TANC1: variants seen among roughly 807,000 people sequenced by gnomAD.
The protein encoded by TANC1 is tetratricopeptide repeat, ankyrin repeat and coiled-coil containing 1, also known as protein TANC1.
Under a neutral mutation model 149.7 loss-of-function variants are expected in TANC1, and 77 were observed. The observed-to-expected ratio is 0.51, with a 90% CI of 0.43 to 0.62. TANC1 has a LOEUF of 0.62. Ranked by LOEUF, TANC1 falls within the 20% of genes least tolerant of loss-of-function variation. The pLI is 0.00. For missense variants in TANC1, 1,985 were observed against 2,321.8 expected, an observed-to-expected ratio of 0.85 and a Z score of 2.98; for synonymous variants, 854 against 925.0, an observed-to-expected ratio of 0.92 and a Z score of 1.39.
intron 2 of TANC1, among the ~76,000 whole-genome samples, chr2:159,019,653 G>GTTT (rs55746240): frequency 0.013 from 983 of 73,248 alleles, 162 homozygotes; most frequent in Non-Finnish European, 0.017. Context: ...CTTTCTTTCT[G>GTTT]TTTTTTTTTT....
At chr2:159,018,074 G>T (rs530884685) in intron 2 of TANC1, among the ~76,000 whole-genome samples, 1 of 152,118 alleles carries the variant, frequency 6.6e-6, no homozygotes, top group African/African-American at 2.4e-5. Context: ...GCAGTTCAAA[G>T]GCAGCCAGTT....
intron 3 of TANC1, among the ~76,000 whole-genome samples, chr2:159,090,759 G>A (rs916728659): frequency 1.1e-4 from 16 of 152,220 alleles, no homozygotes; most frequent in African/African-American, 1.7e-4. Flanking sequence ...CGGAGCCAGC[G>A]CCACTGTGCT....
chr2:159,011,527 A>ATTTTTT (rs10586189), intron 2 of TANC1, among the ~76,000 whole-genome samples: 2 of 106,724 alleles, frequency 1.9e-5, no homozygotes, highest in Non-Finnish European at 1.8e-5. Context: ...TACACCTTAA[A>ATTTTTT]TTTTTTTTTT....
chr2:159,061,484 T>TG (rs1168670602), intron 2 of TANC1, among the ~76,000 whole-genome samples: 2 of 152,238 alleles, frequency 1.3e-5, no homozygotes. Context: ...CAAGCAGGCC[T>TG]TGCTAAGGGC....
intron 4 of TANC1, among the ~76,000 whole-genome samples, chr2:159,117,841 T>C (rs1474683407): frequency 6.6e-6 from 1 of 151,952 alleles, no homozygotes; most frequent in Non-Finnish European, 1.5e-5. Context: ...GCTCAGACTT[T>C]CCTTGTTTTG....
chr2:158,988,357 C>T (rs1270402206), intron 1 of TANC1, among the ~76,000 whole-genome samples: 1 of 149,214 alleles, frequency 6.7e-6, no homozygotes, highest in African/African-American at 2.5e-5. Context: ...AAAGTGTTTT[C>T]GTTTTGTTTT....
intron 2 of TANC1, among the ~76,000 whole-genome samples, chr2:159,027,323 A>C (rs919879224): frequency 2.0e-5 from 3 of 152,156 alleles, no homozygotes; most frequent in African/African-American, 7.2e-5. Flanking sequence ...TCTGCCAGAT[A>C]TTTTAGTTTA....
chr2:159,007,989 T>A (rs1024762136), intron 2 of TANC1, among the ~76,000 whole-genome samples: 8 of 152,256 alleles, frequency 5.3e-5, no homozygotes, highest in African/African-American at 1.9e-4. Flanking sequence ...TTTTCTAAGA[T>A]TGTCAATCCT....
At chr2:159,133,918 A>G (rs2050371866) in intron 4 of TANC1, among the ~76,000 whole-genome samples, 1 of 152,242 alleles carries the variant, frequency 6.6e-6, no homozygotes, top group African/African-American at 2.4e-5. Context: ...TAGTACACCC[A>G]TGTAGCTGGC....
intron 2 of TANC1, among the ~76,000 whole-genome samples, chr2:159,045,829 T>C (rs1183517663): frequency 6.6e-6 from 1 of 152,244 alleles, no homozygotes; most frequent in African/African-American, 2.4e-5. Context: ...AATTTTCACT[T>C]AAAATTGCAT....
intron 2 of TANC1, chr2:159,056,812 AG>A: frequency 2.9e-6 from 1 of 341,346 alleles, no homozygotes; most frequent in Admixed American, 2.7e-5. Flanking sequence ...AGATTAGGAA[AG>A]TCCAGGTCTA....
chr2:159,168,420 C>T (rs2054837272), intron 8 of TANC1, among the ~76,000 whole-genome samples: 1 of 151,574 alleles, frequency 6.6e-6, no homozygotes, highest in South Asian at 2.1e-4. Context: ...CTGCCTTAGC[C>T]TCCCAAGTAG....
intron 1 of TANC1, among the ~76,000 whole-genome samples, chr2:158,992,964 G>A (rs1301633884): frequency 1.4e-5 from 2 of 147,824 alleles, no homozygotes; most frequent in Non-Finnish European, 3.1e-5. Context: ...TCACAGCCGC[G>A]TTAGTTTACT....
At chr2:159,032,875 G>A (rs185945551) in intron 2 of TANC1, among the ~76,000 whole-genome samples, 27 of 152,246 alleles carry the variant, frequency 1.8e-4, no homozygotes, top group Non-Finnish European at 2.9e-4. Context: ...GGTGTTTTCT[G>A]GATAAGTTGA....
chr2:159,135,986 C>G (rs1046313683), intron 4 of TANC1, among the ~76,000 whole-genome samples: 2 of 145,874 alleles, frequency 1.4e-5, no homozygotes, highest in African/African-American at 5.1e-5. Flanking sequence ...GACGTTCCCT[C>G]GTCTGTACTG....
chr2:159,178,222 G>T (rs1393368474), intron 13 of TANC1, among the ~76,000 whole-genome samples: 2 of 152,200 alleles, frequency 1.3e-5, no homozygotes, highest in Non-Finnish European at 2.9e-5. Context: ...AGGATTATGG[G>T]TATCAGGTCA....
At chr2:159,118,575 T>G (rs1355000694) in intron 4 of TANC1, among the ~76,000 whole-genome samples, 1 of 152,070 alleles carries the variant, frequency 6.6e-6, no homozygotes, top group Non-Finnish European at 1.5e-5. Flanking sequence ...TGTCCTAAGA[T>G]GGGGGTAGGG....
chr2:159,048,386 C>T lies in TANC1; in HGVS notation c.-15-17510C>T, dbSNP rs150981368. ...GTCTGGATACCAGCCCTGGCTCTTC[C>T]GTGAACTGTCTATTAGCTGGGTGGC... is the stretch of plus-strand genomic sequence containing the variant. On this transcript the variant is annotated intron_variant, in intron 2 of 26. Transcript: ENST00000263635. Among the ~76,000 whole-genome samples, 25 of 152,264 alleles carry T rather than the reference C, an allele frequency of 1.6e-4. No homozygotes were observed. The East Asian group carries it at 2.9e-3, about 18-fold the overall frequency.
intron 2 of TANC1, among the ~76,000 whole-genome samples, chr2:159,007,987 G>C (rs960923241): frequency 6.6e-6 from 1 of 152,192 alleles, no homozygotes; most frequent in Non-Finnish European, 1.5e-5. Context: ...CATTTTCTAA[G>C]ATTGTCAATC....
Sources: gnomAD v4.1 joint callset for allele counts (sites outside exome capture counted in the v4.1 genomes callset) on GRCh38, gnomAD v4.1.1 for gene constraint, MANE v1.5 for transcripts, NCBI Gene and HGNC (gene_info 2026-07-23, HGNC 2026-07-21) for gene names.